Variants in PDE9A observed in about 807,000 individuals in gnomAD.
PDE9A encodes phosphodiesterase 9A.
In PDE9A, 60 loss-of-function variants were observed where a neutral mutation model predicts 87.4. That is an observed-to-expected ratio of 0.69 (90% confidence interval 0.56 to 0.85). PDE9A has a LOEUF of 0.85. Ranked by LOEUF, PDE9A falls within the 40% of genes least tolerant of loss-of-function variation. PDE9A has a pLI of 0.00. For synonymous variants in PDE9A, 272 were observed against 279.4 expected (o/e 0.97, Z 0.27); for missense variants, 665 against 779.0 (o/e 0.85, Z 1.74).
Position 42,716,903 on chromosome 21 carries a change from G to A in PDE9A, c.263-14867G>A, listed in dbSNP as rs1030534713. The stretch of plus-strand genomic sequence containing the variant: ...GTAGCTGGGATTACAGATGTGTGCC[G>A]CCACGCCCGGCTAATTTTTTGTATT... On this transcript the variant is annotated intron_variant, in intron 4 of 19. Coordinates refer to ENST00000291539, the MANE Select transcript of PDE9A (RefSeq NM_002606.3). 1.4e-4 allele frequency among the ~76,000 whole-genome samples: 21 copies of A among 150,040 alleles called. 1 individual carries two copies. Among genetic ancestry groups the A allele is most frequent in the Non-Finnish European group, 2.1e-4 (14 of 67,390 alleles).
chr21:42,743,835 G>A lies in PDE9A; in HGVS notation c.628G>A (p.Glu210Lys). 1 of 1,586,656 alleles carries A rather than the reference G, an allele frequency of 6.3e-7. No individual in the cohort carries two copies. The highest frequency in any genetic ancestry group is 1.2e-5 in the South Asian group (1 of 86,924). Reference sequence around the variant, plus strand: ...CAAGAGTGACATTAAGAAGATGAGGGAGGAGCTGGCGGCCAGAAGCAGCAG... The same window carrying A: ...CAAGAGTGACATTAAGAAGATGAGGAAGGAGCTGGCGGCCAGAAGCAGCAG... Reference protein sequence around the residue: ...KCKSDIKKMREELAARSSRTN... With the variant: ...KCKSDIKKMRKELAARSSRTN... Residue 210 changes from glutamate (E) to lysine (K), a missense_variant, in exon 8 of 20, where the codon GAG (glutamate) becomes AAG (lysine). By Grantham distance (56) the Glu-to-Lys change is moderately conservative. Coordinates refer to ENST00000291539, the MANE Select transcript of PDE9A (RefSeq NM_002606.3).
At chr21:42,747,107 C>T (rs570045655) in intron 8 of PDE9A, among the ~76,000 whole-genome samples, 1 of 152,356 alleles carries the variant, frequency 6.6e-6, no homozygotes, top group Non-Finnish European at 1.5e-5. Flanking sequence ...CCGGCGTTGC[C>T]ACACATGAAA....
In PDE9A at chr21:42,711,949, C is replaced by T. The variant is rs1392858223; in HGVS notation, c.262+12938C>T. ...CCTCACACCAACACCACACTGGCTA[C>T]GTTACTGTGCCCTGGAATCAGGTAC... On this transcript the variant is annotated intron_variant, in intron 4 of 19. Coordinates refer to ENST00000291539, the MANE Select transcript of PDE9A (RefSeq NM_002606.3). Among the ~76,000 whole-genome samples, 5 of 152,244 alleles carry T rather than the reference C, an allele frequency of 3.3e-5. No homozygotes were observed. The South Asian group carries it at 6.2e-4, about 19-fold the overall frequency.
At chr21:42,769,396 TGC>T (rs1569279054) in intron 17 of PDE9A, among the ~76,000 whole-genome samples, 1 of 102,064 alleles carries the variant, frequency 9.8e-6, no homozygotes, top group African/African-American at 4.9e-5. Context: ...GGCACACAAA[TGC>T]ACACACACGG....
rs547439936 is a variant in PDE9A, at chr21:42,723,042, G to T, written c.263-8728G>T. ...GACACCCGTGAACACGGAGGCAGCC[G>T]TGTGAACACCATGAGGCAGGGTGTC... On this transcript the variant is annotated intron_variant, in intron 4 of 19. Coordinates refer to ENST00000291539, the MANE Select transcript of PDE9A (RefSeq NM_002606.3). The surrounding 1 kb of genome is among the most constrained non-coding windows in gnomAD (Gnocchi z 4.3). Among the ~76,000 whole-genome samples the T allele has an allele frequency of 6.6e-6, 1 of 152,350 alleles. No homozygotes were observed.
intron 4 of PDE9A, among the ~76,000 whole-genome samples, chr21:42,717,294 CTTTTTTTTT>C (rs57599893): frequency 1.2e-5 from 1 of 85,168 alleles, no homozygotes; most frequent in South Asian, 4.7e-4. Flanking sequence ...TGGAACATGC[CTTTTTTTTT>C]TTTTTTTTTT....
At chr21:42,768,392 TC>T in intron 16 of PDE9A, 100 bp downstream of exon 16, 1 of 1,035,158 alleles carries the variant, frequency 9.7e-7, no homozygotes. Flanking sequence ...TCCCGCATAT[TC>T]CCCGGGCTGC....
intron 19 of PDE9A, among the ~76,000 whole-genome samples, chr21:42,774,897 A>AT: frequency 6.7e-6 from 1 of 149,712 alleles, no homozygotes; most frequent in Non-Finnish European, 1.5e-5. Flanking sequence ...AAAAAAAAAA[A>AT]GTCTGTGTAT....
rs1478591787 is a variant in PDE9A at position 42,716,282 on chromosome 21, C to T, written c.263-15488C>T. Reference sequence around the variant, plus strand: ...CAATTGCTGGATCTTTTGGTAACAGCATGTTTAGTTTTGTAAGAAGCTGCC... The same window carrying T: ...CAATTGCTGGATCTTTTGGTAACAGTATGTTTAGTTTTGTAAGAAGCTGCC... On this transcript the variant is annotated intron_variant, in intron 4 of 19. Transcript: ENST00000291539. 2.0e-5 allele frequency among the ~76,000 whole-genome samples: 3 copies of T among 151,730 alleles called. No homozygotes were observed. In the East Asian group the frequency reaches 5.8e-4, roughly 29 times the overall value.
Position 42,659,181 on chromosome 21 carries a change from C to T in PDE9A, c.69+5298C>T, listed in dbSNP as rs2145800547. 6.6e-6 allele frequency among the ~76,000 whole-genome samples: 1 copy of T among 152,338 alleles called. No homozygotes were observed. Among genetic ancestry groups the T allele is most frequent in the Middle Eastern group, 3.4e-3 (1 of 294 alleles). Reference sequence around the variant, plus strand: ...AGTCAGGGAGCTGCTGGCCTCCACACTCCTTCCCATTGGTGTGGTCCGAAT... The same window carrying T: ...AGTCAGGGAGCTGCTGGCCTCCACATTCCTTCCCATTGGTGTGGTCCGAAT... On this transcript the variant is annotated intron_variant, in intron 1 of 19. Transcript: ENST00000291539. This position sits in a 1 kb window ranked among gnomAD's most constrained non-coding sequence, Gnocchi z 4.1.
intron 7 of PDE9A, among the ~76,000 whole-genome samples, chr21:42,738,255 C>G (rs926953194): frequency 1.3e-5 from 2 of 152,218 alleles, no homozygotes; most frequent in Non-Finnish European, 2.9e-5. Flanking sequence ...CAGCCCAGAG[C>G]CTGGATGCTA....
intron 4 of PDE9A, among the ~76,000 whole-genome samples, chr21:42,717,565 T>C (rs1346545351): frequency 6.6e-6 from 1 of 151,264 alleles, no homozygotes; most frequent in Non-Finnish European, 1.5e-5. Context: ...AATTTTTTTG[T>C]ATTTTTAGTA....
chr21:42,754,161 CT>C, intron 10 of PDE9A, 97 bp downstream of exon 10: 1 of 652,532 alleles, frequency 1.5e-6, no homozygotes, highest in Non-Finnish European at 2.7e-6. Context: ...CTCCTTCTTG[CT>C]TTTTCCTCTT....
At chr21:42,730,644 T>G (rs747396578) in intron 4 of PDE9A, among the ~76,000 whole-genome samples, 36 of 152,238 alleles carry the variant, frequency 2.4e-4, no homozygotes, top group Admixed American at 1.1e-3. Context: ...TAAAATCTTT[T>G]TTTTGTACTT....
At chr21:42,771,749 A>G (rs9978277) in intron 18 of PDE9A, among the ~76,000 whole-genome samples, 86,741 of 152,162 alleles carry the variant, frequency 0.57, 25,270 homozygotes, top group Middle Eastern at 0.65. Context: ...CGTGCTCCCC[A>G]TGCCCACACC....
rs1457966278 is a variant in PDE9A, at chr21:42,762,038, G to A, written c.1086-45G>A. 4.4e-6 allele frequency: 7 copies of A among 1,584,534 alleles called. No homozygotes were observed. In the East Asian group the frequency reaches 1.3e-4, roughly 30 times the overall value. ...GTGTTGCTCCCCCGTGCAGGTACCT[G>A]GTGAGGGCGCCTGAGTCTCCCCTCA... On this transcript the variant is annotated intron_variant, in intron 13 of 19. Transcript: ENST00000291539.
intron 4 of PDE9A, among the ~76,000 whole-genome samples, chr21:42,717,790 G>T (rs775946301): frequency 6.6e-6 from 1 of 151,726 alleles, no homozygotes; most frequent in Admixed American, 6.6e-5. Context: ...GCTTAAAGAT[G>T]TTGACTCACT....
In PDE9A at chr21:42,754,012, T is replaced by C. The variant is rs763335769; in HGVS notation, c.758T>C (p.Ile253Thr). 1.9e-6 allele frequency: 3 copies of C among 1,613,254 alleles called. No individual in the cohort carries two copies. The South Asian group carries it at 3.3e-5, about 18-fold the overall frequency. ...YPKYLLSPETIEALRKPTFDV... is the reference protein window; with the variant it reads ...YPKYLLSPETTEALRKPTFDV... Reference sequence around the variant, plus strand: ...TAGTACCTGCTCTCTCCAGAGACCATCGAGGCCCTGCGGAAGCCGACCTTT... The same window carrying C: ...TAGTACCTGCTCTCTCCAGAGACCACCGAGGCCCTGCGGAAGCCGACCTTT... The change falls in exon 10 of 20, where the codon ATC (isoleucine) becomes ACC (threonine). Residue 253 changes from isoleucine (I) to threonine (T), a missense_variant. Physicochemically the swap from Ile to Thr is moderately conservative, Grantham distance 89. Transcript: ENST00000291539.
At chr21:42,668,298 T>A (rs1344998647) in intron 1 of PDE9A, among the ~76,000 whole-genome samples, 1 of 152,086 alleles carries the variant, frequency 6.6e-6, no homozygotes, top group Non-Finnish European at 1.5e-5. Flanking sequence ...AAGGGTTGCA[T>A]TAGCTCCCAC....
Sources: gnomAD v4.1 joint callset for allele counts (sites outside exome capture counted in the v4.1 genomes callset) on GRCh38, gnomAD v4.1.1 for gene constraint, Gnocchi (gnomAD v3.1) non-coding constraint, MANE v1.5 for transcripts, NCBI Gene and HGNC (gene_info 2026-07-23, HGNC 2026-07-21) for gene names.